PIGL: variants seen among roughly 807,000 people sequenced by gnomAD.
PIGL encodes the protein phosphatidylinositol glycan anchor biosynthesis class L.
In PIGL, 22 loss-of-function variants were observed where a neutral mutation model predicts 31.1. The observed-to-expected ratio is 0.71, with a 90% CI of 0.51 to 1.01. The LOEUF (loss-of-function observed/expected upper bound fraction) is 1.01. PIGL is among the 50% of genes least tolerant of loss of function. The probability of loss-of-function intolerance (pLI) is 0.00; values close to 1 mark genes in which losing one functional copy is unlikely to be tolerated. For synonymous variants in PIGL, 131 were observed against 117.4 expected (o/e 1.12, Z -0.75); for missense variants, 302 against 315.9 (o/e 0.96, Z 0.33).
chr17:16,309,762 TA>T (rs71150289), intron 3 of PIGL, among the ~76,000 whole-genome samples: 144,603 of 147,464 alleles, frequency 0.98, 70,921 homozygotes, highest in African/African-American at 0.99. Flanking sequence ...GACTCCATCT[TA>T]AAAAAAAAAA....
chr17:16,299,238 T>C (rs1451902488), intron 2 of PIGL, among the ~76,000 whole-genome samples: 1 of 151,680 alleles, frequency 6.6e-6, no homozygotes, highest in African/African-American at 2.4e-5. Flanking sequence ...GCCAATCACC[T>C]GAGGTCAGGA....
intron 3 of PIGL, among the ~76,000 whole-genome samples, chr17:16,307,316 C>G (rs1013110878): frequency 6.6e-6 from 1 of 152,190 alleles, no homozygotes; most frequent in African/African-American, 2.4e-5. Context: ...ATTTGGTCCT[C>G]TTGCTAGGCC....
At chr17:16,270,877 A>T (rs1235328676) in intron 2 of PIGL, among the ~76,000 whole-genome samples, 1 of 143,962 alleles carries the variant, frequency 6.9e-6, no homozygotes, top group African/African-American at 2.6e-5. Flanking sequence ...TGTGCGACAG[A>T]GCGAGACTGT....
intron 2 of PIGL, among the ~76,000 whole-genome samples, chr17:16,285,848 C>A (rs2092935236): frequency 6.6e-6 from 1 of 152,140 alleles, no homozygotes; most frequent in South Asian, 2.1e-4. Context: ...TGCAGAGACA[C>A]CCCCCAGAAG....
chr17:16,227,578 CTT>C (rs57452229), intron 1 of PIGL, among the ~76,000 whole-genome samples: 2 of 103,194 alleles, frequency 1.9e-5, no homozygotes, highest in Non-Finnish European at 3.7e-5. Flanking sequence ...ATTTTCTTTT[CTT>C]TTTTTTTTTT....
At chr17:16,223,502 A>G (rs1330467917) in intron 1 of PIGL, among the ~76,000 whole-genome samples, 1 of 151,982 alleles carries the variant, frequency 6.6e-6, no homozygotes, top group African/African-American at 2.4e-5. Flanking sequence ...GCTTGAACCC[A>G]GGAGGTGGAG....
chr17:16,274,853 A>C (rs1327824099), intron 2 of PIGL, among the ~76,000 whole-genome samples: 1 of 151,484 alleles, frequency 6.6e-6, no homozygotes, highest in African/African-American at 2.4e-5. Context: ...CCAACATGGC[A>C]AAACCCCGTC....
intron 2 of PIGL, among the ~76,000 whole-genome samples, chr17:16,254,665 C>T (rs1005212181): frequency 2.0e-5 from 3 of 151,952 alleles, no homozygotes; most frequent in African/African-American, 7.3e-5. Flanking sequence ...AATGCAGTGG[C>T]GCTATCTCGA....
Position 16,217,437 on chromosome 17 carries a change from G to C in PIGL, c.211G>C (p.Val71Leu), listed in dbSNP as rs2092589347. 2 of 1,614,046 alleles carry C rather than the reference G, an allele frequency of 1.2e-6. No individual in the cohort carries two copies. Among genetic ancestry groups the C allele is most frequent in the African/African-American group, 2.7e-5 (2 of 74,932 alleles). ...AGGCTTGGCCCGCCTAAGGCACTGG[G>C]TGTACCTGCTTTGCTTCTCTGCAGG... Reference protein sequence around the residue: ...VLGLARLRHWVYLLCFSAGNY... With the variant: ...VLGLARLRHWLYLLCFSAGNY... Residue 71 changes from valine to leucine, a missense_variant, in exon 1 of 7, where the codon GTG becomes CTG. Val to Leu is a conservative substitution (Grantham distance 32, BLOSUM62 1). Coordinates refer to ENST00000225609, the MANE Select transcript of PIGL (RefSeq NM_004278.4).
intron 1 of PIGL, among the ~76,000 whole-genome samples, chr17:16,229,548 G>A (rs1158999988): frequency 9.5e-6 from 1 of 105,464 alleles, no homozygotes; most frequent in East Asian, 3.3e-4. Context: ...TAAATTTTTT[G>A]AGAATTGACA....
chr17:16,259,830 G>A (rs1350311515), intron 2 of PIGL, among the ~76,000 whole-genome samples: 1 of 152,152 alleles, frequency 6.6e-6, no homozygotes, highest in Non-Finnish European at 1.5e-5. Context: ...GAGTTGGCAG[G>A]GCCAGTGCAG....
intron 2 of PIGL, among the ~76,000 whole-genome samples, chr17:16,258,069 A>AAGAGAGAGAGAGAGAGAGAGAGAG (rs749459552): frequency 1.1e-5 from 1 of 90,478 alleles, no homozygotes; most frequent in Non-Finnish European, 2.0e-5. Flanking sequence ...GTCAGAAAGA[A>AAGAGAGAGAGAGAGAGAGAGAGAG]AGAGAGAGAG....
chr17:16,317,104 T>G, intron 5 of PIGL: 1 of 1,050,784 alleles, frequency 9.5e-7, no homozygotes, highest in Non-Finnish European at 1.2e-6. Context: ...CTAACCCACA[T>G]AAAGTATTTG....
At chr17:16,233,677 C>T (rs1400273099) in intron 1 of PIGL, among the ~76,000 whole-genome samples, 1 of 152,010 alleles carries the variant, frequency 6.6e-6, no homozygotes, top group Admixed American at 6.6e-5. Flanking sequence ...AAGTTAGTAC[C>T]CTTGGCTGTG....
chr17:16,284,378 T>A (rs1445620673), intron 2 of PIGL, among the ~76,000 whole-genome samples: 3 of 152,192 alleles, frequency 2.0e-5, no homozygotes, highest in Non-Finnish European at 4.4e-5. Context: ...CCCAGCCAGT[T>A]CATAGTTTAA....
At chr17:16,280,044 AG>A (rs1436318542) in intron 2 of PIGL, among the ~76,000 whole-genome samples, 5 of 152,234 alleles carry the variant, frequency 3.3e-5, no homozygotes, top group African/African-American at 9.7e-5. Flanking sequence ...CAACTACATC[AG>A]GGCAGAAGCC....
Position 16,326,115 on chromosome 17 carries a change from A to G in PIGL, c.*217A>G. On this transcript the variant is annotated 3_prime_UTR_variant, in exon 7 of 7. Transcript: ENST00000225609. The stretch of plus-strand genomic sequence containing the variant: ...GAACCAAAAACAAACCACCCCAAGG[A>G]TAATAATAGCTACACTGCTAGCTTC... 1.8e-6 allele frequency: 1 copy of G among 555,726 alleles called. No homozygotes were observed. Among genetic ancestry groups the G allele is most frequent in the South Asian group, 2.4e-5 (1 of 40,986 alleles). 34.4% of individuals were successfully genotyped at this position (555,726 alleles called of 1,614,324 possible). A position where few individuals can be genotyped will look rare whatever the true frequency, so the allele number is the denominator to read the frequency against.
chr17:16,319,617 T>G (rs2093094254), intron 6 of PIGL, among the ~76,000 whole-genome samples: 2 of 151,902 alleles, frequency 1.3e-5, no homozygotes, highest in Admixed American at 1.3e-4. Context: ...TAGCCGGGCG[T>G]GGTGGTGGGC....
rs1568832725 is a variant in PIGL, at chr17:16,299,978, G to T, written c.426G>T (p.Leu142=). 1 of 1,611,192 alleles carries T rather than the reference G, an allele frequency of 6.2e-7. No homozygotes were observed. Among genetic ancestry groups the T allele is most frequent in the Non-Finnish European group, 8.5e-7 (1 of 1,177,396 alleles). The change falls in exon 3 of 7, where the codon CTG becomes CTT. Residue 142 remains leucine, a splice_region_variant and synonymous_variant. Transcript: ENST00000225609. The part of the protein sequence containing the change: ...LQHIEVNGIN[L]VVTFDAGGVS... ...ACATAGAAGTGAATGGCATCAATCT[G>T]GTAAGGGGGCAGCTCCCTGAATGGA...
Sources: gnomAD v4.1 joint callset for allele counts (sites outside exome capture counted in the v4.1 genomes callset) on GRCh38, gnomAD v4.1.1 for gene constraint, MANE v1.5 for transcripts, NCBI Gene and HGNC (gene_info 2026-07-23, HGNC 2026-07-21) for gene names.